The following MFN1 variants were observed in gnomAD, a reference collection of about 807,000 sequenced individuals.
The protein encoded by MFN1 is mitofusin-1.
A neutral mutation model predicts 92.4 loss-of-function variants in MFN1; 65 were observed. The observed-to-expected ratio is 0.70, with a 90% CI of 0.58 to 0.86. MFN1 has a LOEUF of 0.86. MFN1 is among the 40% of genes least tolerant of loss of function. The pLI, the probability that MFN1 is intolerant of heterozygous loss-of-function variation, is 0.00. For synonymous variants in MFN1, 297 were observed against 300.9 expected, an observed-to-expected ratio of 0.99 and a Z score of 0.13; for missense variants, 781 against 868.0, an observed-to-expected ratio of 0.90 and a Z score of 1.26.
In MFN1 at chr3:179,378,771, A is replaced by T; in HGVS notation, c.1619A>T (p.Asn540Ile). ...SLVHRFLGPR[N>I]AQRVLLGLSE... is the part of the protein sequence containing the mutation. ...GTACATCGATTTTTGGGCCCTAGAA[A>T]TGCTCAAAGGGTGCTCCTAGGATTA... is the stretch of plus-strand genomic sequence containing the variant. The change falls in exon 14 of 18, where the codon AAT (asparagine) becomes ATT (isoleucine). Residue 540 changes from asparagine (N) to isoleucine (I), a missense_variant. Physicochemically the swap from Asn to Ile is moderately radical, Grantham distance 149 (BLOSUM62 -3). Coordinates refer to ENST00000471841, the MANE Select transcript of MFN1 (RefSeq NM_033540.3). 1 of 1,613,954 alleles carries T rather than the reference A, an allele frequency of 6.2e-7. No homozygotes were observed. The highest frequency in any genetic ancestry group is 8.5e-7 in the Non-Finnish European group (1 of 1,179,880).
chr3:179,376,349 T>A (rs1713239748), intron 10 of MFN1, among the ~76,000 whole-genome samples: 1 of 152,194 alleles, frequency 6.6e-6, no homozygotes, highest in Admixed American at 6.5e-5. Flanking sequence ...AATTTTGGCC[T>A]AAAAGTGATT....
intron 14 of MFN1, among the ~76,000 whole-genome samples, 186 bp from the exon 15 acceptor site, chr3:179,385,383 T>A (rs1713639410): frequency 6.6e-6 from 1 of 152,098 alleles, no homozygotes; most frequent in Non-Finnish European, 1.5e-5. Flanking sequence ...GTTCATGATA[T>A]CATTGGTCCA....
chr3:179,353,578 A>G lies in MFN1; in HGVS notation c.248+1543A>G, dbSNP rs1166265619. On this transcript the variant is annotated intron_variant, in intron 3 of 17. Transcript: ENST00000471841. Reference sequence around the variant, plus strand: ...TATCTGGATTATGGCGGGGAGAAAAAGGCAGTGATCAGGTACGTCTTCCAA... The same window carrying G: ...TATCTGGATTATGGCGGGGAGAAAAGGGCAGTGATCAGGTACGTCTTCCAA... Among the ~76,000 whole-genome samples the G allele has an allele frequency of 2.0e-5, 3 of 152,166 alleles. No individual in the cohort carries two copies. In the East Asian group the frequency reaches 5.8e-4, roughly 29 times the overall value.
intron 4 of MFN1, among the ~76,000 whole-genome samples, chr3:179,360,368 T>C (rs1216126641): frequency 1.3e-5 from 2 of 152,198 alleles, no homozygotes; most frequent in African/African-American, 2.4e-5. Flanking sequence ...GAAACAGAAT[T>C]GCTTAAGAAA....
In MFN1 at chr3:179,352,024, A is replaced by AT; in HGVS notation, c.243dup (p.Gly82TrpfsTer18). The AT allele has an allele frequency of 1.9e-6, 3 of 1,590,478 alleles. No homozygotes were observed. Among genetic ancestry groups the AT allele is most frequent in the Non-Finnish European group, 1.7e-6 (2 of 1,163,700 alleles). The stretch of plus-strand genomic sequence containing the variant: ...TATCTCGGAGACACATGAAGGTGGC[A>AT]TTTTTTGGCAGGTAATTATTTATTA... On this transcript the variant is annotated frameshift_variant, in exon 3 of 18. Coordinates refer to ENST00000471841, the MANE Select transcript of MFN1 (RefSeq NM_033540.3). LOFTEE classifies it high-confidence loss of function.
intron 8 of MFN1, 88 bp from the exon 9 acceptor site, chr3:179,367,948 A>G: frequency 3.6e-6 from 2 of 559,704 alleles, no homozygotes; most frequent in Admixed American, 5.0e-5. Flanking sequence ...ATATATATAT[A>G]TATATTTAAA....
chr3:179,385,141 C>T (rs1362603762), intron 14 of MFN1, among the ~76,000 whole-genome samples: 2 of 151,334 alleles, frequency 1.3e-5, no homozygotes, highest in Admixed American at 6.6e-5. Context: ...TCTCGATCTC[C>T]TGACCTCGAG....
chr3:179,384,975 G>A (rs1339888751), intron 14 of MFN1, among the ~76,000 whole-genome samples: 1 of 142,670 alleles, frequency 7.0e-6, no homozygotes, highest in African/African-American at 2.6e-5. Flanking sequence ...GTGCAATCTC[G>A]GCTCACTGCA....
At chr3:179,349,791 G>A (rs1205215380) in intron 2 of MFN1, among the ~76,000 whole-genome samples, 2 of 151,776 alleles carry the variant, frequency 1.3e-5, no homozygotes, top group East Asian at 3.9e-4. Context: ...ACAGGTGTGA[G>A]CCACCACACC....
chr3:179,386,567 A>T lies in MFN1; in HGVS notation c.1950A>T (p.Ala650=), dbSNP rs776744834. The change falls in exon 16 of 18, where the codon GCA becomes GCT. Residue 650 remains alanine (A), a synonymous_variant. Coordinates refer to ENST00000471841, the MANE Select transcript of MFN1 (RefSeq NM_033540.3). The part of the protein sequence containing the change: ...RAFKQQFVNY[A]TEKLRMIVSS... ...TTAAACAGCAGTTTGTAAACTATGC[A>T]ACTGAAAAACTGAGGATGATTGTTA... The T allele has an allele frequency of 6.2e-7, 1 of 1,614,142 alleles. No individual in the cohort carries two copies. The highest frequency in any genetic ancestry group is 2.2e-5 in the East Asian group (1 of 44,874).
intron 14 of MFN1, among the ~76,000 whole-genome samples, chr3:179,380,668 C>A (rs1042205287): frequency 6.6e-6 from 1 of 152,162 alleles, no homozygotes; most frequent in Admixed American, 6.5e-5. Context: ...GGGTATTCTA[C>A]GATCAATGAA....
chr3:179,348,545 CTT>C (rs1712010705), intron 1 of MFN1, among the ~76,000 whole-genome samples: 1 of 152,216 alleles, frequency 6.6e-6, no homozygotes, highest in Non-Finnish European at 1.5e-5. Context: ...CCCTGATGTA[CTT>C]TAGAGTCACA....
intron 14 of MFN1, among the ~76,000 whole-genome samples, chr3:179,384,774 A>C (rs113867930): frequency 2.0e-5 from 3 of 152,240 alleles, no homozygotes; most frequent in African/African-American, 7.2e-5. Flanking sequence ...GTCTCAAGCT[A>C]TCCTCCTGCC....
intron 1 of MFN1, 85 bp from the exon 2 acceptor site, chr3:179,348,760 G>A (rs750366886): frequency 1.1e-5 from 17 of 1,530,888 alleles, no homozygotes; most frequent in Non-Finnish European, 1.4e-5. Flanking sequence ...TCATTGGGGA[G>A]TTGATGAATG....
chr3:179,382,557 C>CATGATTT (rs1322571065), intron 14 of MFN1, among the ~76,000 whole-genome samples: 1 of 152,078 alleles, frequency 6.6e-6, no homozygotes, highest in Admixed American at 6.5e-5. Flanking sequence ...TTTATAGCAC[C>CATGATTT]ATGATTTATA....
At chr3:179,381,611 T>G (rs1179118167) in intron 14 of MFN1, among the ~76,000 whole-genome samples, 1 of 152,264 alleles carries the variant, frequency 6.6e-6, no homozygotes, top group African/African-American at 2.4e-5. Context: ...AGTATGTAAA[T>G]TCAATCAAGA....
intron 9 of MFN1, among the ~76,000 whole-genome samples, chr3:179,368,792 C>G (rs1013928474): frequency 1.3e-5 from 2 of 152,100 alleles, no homozygotes. Flanking sequence ...CCTTCTGAAC[C>G]CCTATTTTGC....
At chr3:179,373,407 T>C (rs1713097779) in intron 9 of MFN1, among the ~76,000 whole-genome samples, 1 of 152,128 alleles carries the variant, frequency 6.6e-6, no homozygotes, top group Non-Finnish European at 1.5e-5. Context: ...CTAAAAGCCA[T>C]TTATTAAAGG....
chr3:179,377,965 C>T (rs893043234), intron 12 of MFN1, among the ~76,000 whole-genome samples: 4 of 151,938 alleles, frequency 2.6e-5, no homozygotes, highest in South Asian at 2.1e-4. Flanking sequence ...GAGGCTGAGG[C>T]GGGAGAATCG....
Sources: allele counts gnomAD v4.1 joint callset (sites outside exome capture counted in the v4.1 genomes callset), GRCh38; gene constraint gnomAD v4.1.1; transcripts MANE v1.5; gene names NCBI Gene and HGNC (gene_info 2026-07-23, HGNC 2026-07-21).